ACTN4: variants seen among roughly 807,000 people sequenced by gnomAD.
The protein encoded by ACTN4 is alpha-actinin-4.
A neutral mutation model predicts 114.2 loss-of-function variants in ACTN4; 18 were observed. That is an observed-to-expected ratio of 0.16 (90% CI 0.11 to 0.23). The LOEUF is 0.23. Ranked by LOEUF, ACTN4 falls within the 10% of genes least tolerant of loss-of-function variation. The pLI is 1.00. For synonymous variants in ACTN4, 515 were observed against 506.3 expected (o/e 1.02, Z -0.23); for missense variants, 722 against 1,262.9 (o/e 0.57, Z 6.49).
At chr19:38,688,315 G>A (rs929133601) in intron 1 of ACTN4, among the ~76,000 whole-genome samples, 5 of 149,948 alleles carry the variant, frequency 3.3e-5, no homozygotes, top group African/African-American at 1.2e-4. Context: ...TTGGGAGGCC[G>A]AGGCGAGTGG....
In ACTN4 at chr19:38,729,170, A is replaced by G. The variant is rs1297678354; in HGVS notation, c.2577+16A>G. The G allele has an allele frequency of 1.7e-5, 28 of 1,612,580 alleles. No homozygotes were observed. Among genetic ancestry groups the G allele is most frequent in the Non-Finnish European group, 2.1e-5 (25 of 1,179,936 alleles). Reference sequence around the variant, plus strand: ...AGGGGACAAGGTGAGCGAGACCCCTACGAGGTGCATGGGGGCTGGCGAGAG... The same window carrying G: ...AGGGGACAAGGTGAGCGAGACCCCTGCGAGGTGCATGGGGGCTGGCGAGAG... On this transcript the variant is annotated intron_variant, in intron 20 of 20. Coordinates refer to ENST00000252699, the MANE Select transcript of ACTN4 (RefSeq NM_004924.6).
Position 38,730,582 on chromosome 19 carries a change from C to G in ACTN4, c.*1150C>G. The G allele has an allele frequency of 7.1e-6, 4 of 562,296 alleles. No homozygotes were observed. The highest frequency in any genetic ancestry group is 1.3e-5 in the Non-Finnish European group (4 of 314,550). 34.8% of individuals were successfully genotyped at this position (562,296 alleles called of 1,614,324 possible). ...TTCTCCTGTGTCTGTCCTCCACCTT[C>G]TAGGAGAGCCAGGGCAGAGCTAGCA... is the stretch of plus-strand genomic sequence containing the variant. On this transcript the variant is annotated 3_prime_UTR_variant, in exon 21 of 21. Coordinates refer to ENST00000252699, the MANE Select transcript of ACTN4 (RefSeq NM_004924.6).
intron 12 of ACTN4, 59 bp downstream of exon 12, chr19:38,721,747 G>A (rs1969051405): frequency 6.2e-7 from 1 of 1,601,616 alleles, no homozygotes; most frequent in East Asian, 2.2e-5. Context: ...TGCCCAGACT[G>A]GTGGCGGCAG....
intron 1 of ACTN4, among the ~76,000 whole-genome samples, chr19:38,699,628 A>G (rs759771654): frequency 4.6e-5 from 7 of 151,868 alleles, no homozygotes; most frequent in African/African-American, 1.7e-4. Flanking sequence ...GTTGGCATAC[A>G]CCCGTAGTCC....
intron 1 of ACTN4, among the ~76,000 whole-genome samples, chr19:38,663,528 A>G (rs1463599032): frequency 1.3e-5 from 2 of 152,186 alleles, no homozygotes; most frequent in East Asian, 3.9e-4. Flanking sequence ...GAATCAGGGC[A>G]GGTGGGGTCA....
intron 1 of ACTN4, among the ~76,000 whole-genome samples, chr19:38,693,192 A>C (rs1967985960): frequency 1.3e-5 from 2 of 152,022 alleles, no homozygotes; most frequent in South Asian, 4.2e-4. Context: ...ACATGTGAGC[A>C]TCAGCCTGGT....
chr19:38,662,548 G>A lies in ACTN4; in HGVS notation c.162+14641G>A, dbSNP rs150175240. On this transcript the variant is annotated intron_variant, in intron 1 of 20. Coordinates refer to ENST00000252699, the MANE Select transcript of ACTN4 (RefSeq NM_004924.6). Reference sequence around the variant, plus strand: ...AACTTGTTAAATCTTTTAAGTAGCTGTATAGGAGGGGAGATAAGTGTGTGT... The same window carrying A: ...AACTTGTTAAATCTTTTAAGTAGCTATATAGGAGGGGAGATAAGTGTGTGT... Among the ~76,000 whole-genome samples, 15 of 152,354 alleles carry A rather than the reference G, an allele frequency of 9.8e-5. 1 individual carries two copies. The East Asian group carries it at 2.9e-3, about 29-fold the overall frequency.
chr19:38,717,150 A>T lies in ACTN4; in HGVS notation c.977A>T (p.Gln326Leu). The stretch of plus-strand genomic sequence containing the variant: ...GACCGTGTGCCCCAAAAGACTATCC[A>T]GGAGATGCAGCAGAAGCTGGAGGAC... ...LEDRVPQKTIQEMQQKLEDFR... is the reference protein window; with the variant it reads ...LEDRVPQKTILEMQQKLEDFR... The change falls in exon 10 of 21, where the codon CAG becomes CTG. Residue 326 changes from glutamine to leucine, a missense_variant. Gln to Leu is a moderately radical substitution (Grantham distance 113, BLOSUM62 -2). This residue lies in a region of ACTN4 where 523 missense variants were observed against 875.9 expected (regional missense o/e 0.60). Coordinates refer to ENST00000252699, the MANE Select transcript of ACTN4 (RefSeq NM_004924.6). The surrounding 1 kb of genome is among the most constrained non-coding windows in gnomAD (Gnocchi z 4.0). 1 of 1,614,240 alleles carries T rather than the reference A, an allele frequency of 6.2e-7. No individual in the cohort carries two copies. Among genetic ancestry groups the T allele is most frequent in the East Asian group, 2.2e-5 (1 of 44,892 alleles).
At chr19:38,707,529 T>C (rs1234553244) in intron 5 of ACTN4, among the ~76,000 whole-genome samples, 1 of 152,020 alleles carries the variant, frequency 6.6e-6, no homozygotes, top group Non-Finnish European at 1.5e-5. Flanking sequence ...ATGTGACCCA[T>C]ATAGCTTGTA....
In ACTN4 at chr19:38,730,884, G is replaced by A. The variant is rs73933053; in HGVS notation, c.*1452G>A. On this transcript the variant is annotated 3_prime_UTR_variant, in exon 21 of 21. Transcript: ENST00000252699. Reference sequence around the variant, plus strand: ...AAGGTGGCCACCTCCATCCACTAAGGAAGAGAAGGAAGACAGTGGCTTGAG... The same window carrying A: ...AAGGTGGCCACCTCCATCCACTAAGAAAGAGAAGGAAGACAGTGGCTTGAG... 6,373 of 1,551,596 alleles carry A rather than the reference G, an allele frequency of 4.1e-3. 225 individuals are homozygous for A. In the African/African-American group the frequency reaches 0.077, roughly 19 times the overall value.
intron 12 of ACTN4, among the ~76,000 whole-genome samples, chr19:38,723,133 C>T (rs1399353967): frequency 1.3e-5 from 2 of 152,218 alleles, no homozygotes; most frequent in South Asian, 2.1e-4. Flanking sequence ...CAGGGTCACA[C>T]AGCAAGGGAG....
intron 9 of ACTN4, among the ~76,000 whole-genome samples, chr19:38,716,838 C>T (rs1198929276): frequency 6.6e-6 from 1 of 151,924 alleles, no homozygotes; most frequent in Non-Finnish European, 1.5e-5. Context: ...AAGAAAAGCA[C>T]AGGCAGGAAC....
At position 38,730,017 on chromosome 19, in the gene ACTN4, CT is replaced by C. The variant is rs1969434543; in HGVS notation, c.*586del. The C allele has an allele frequency of 1.2e-5, 3 of 257,064 alleles. No homozygotes were observed. Among genetic ancestry groups the C allele is most frequent in the Middle Eastern group, 1.5e-3 (1 of 676 alleles). The allele number at this position is 257,064 out of a possible 1,614,324, so 15.9% of individuals were successfully genotyped here. ...AGCTGAGTTGGCAGACCGGGCCCCC[CT>C]GAACCGCACCCCATCCCACCAGCCC... On this transcript the variant is annotated 3_prime_UTR_variant, in exon 21 of 21. Transcript: ENST00000252699.
chr19:38,658,044 G>A (rs915458776), intron 1 of ACTN4, among the ~76,000 whole-genome samples: 3 of 152,200 alleles, frequency 2.0e-5, no homozygotes, highest in Admixed American at 6.5e-5. Flanking sequence ...ATGGTGGAGT[G>A]TTAGGCCCCG....
chr19:38,728,267 G>A (rs1702714567), intron 19 of ACTN4: 1 of 1,531,688 alleles, frequency 6.5e-7, no homozygotes. Context: ...GGCCCCTCTT[G>A]CCTACTCTGG....
At chr19:38,673,809 T>C (rs1479135465) in intron 1 of ACTN4, among the ~76,000 whole-genome samples, 1 of 117,626 alleles carries the variant, frequency 8.5e-6, no homozygotes, top group African/African-American at 3.1e-5. Flanking sequence ...TTTTTTGTGA[T>C]GGAGTCTCTA....
At position 38,717,459 on chromosome 19, in the gene ACTN4, G is replaced by A. The variant is rs779788995; in HGVS notation, c.1143+143G>A. On this transcript the variant is annotated intron_variant, in intron 10 of 20. Transcript: ENST00000252699. This position sits in a 1 kb window ranked among gnomAD's most constrained non-coding sequence, Gnocchi z 4.0. Reference sequence around the variant, plus strand: ...GCATGGCCTTTCGGATGCAGTGGTCGGGGAGGGGTGCACTTCACTCGGCAT... The same window carrying A: ...GCATGGCCTTTCGGATGCAGTGGTCAGGGAGGGGTGCACTTCACTCGGCAT... The A allele has an allele frequency of 6.2e-5, 71 of 1,149,708 alleles. No individual in the cohort carries two copies. In the South Asian group the frequency reaches 6.9e-4, roughly 11 times the overall value. 71.2% of individuals were successfully genotyped at this position (1,149,708 alleles called of 1,614,324 possible). A position where few individuals can be genotyped will look rare whatever the true frequency, so the allele number is the denominator to read the frequency against.
intron 17 of ACTN4, 94 bp downstream of exon 17, chr19:38,725,997 G>C: frequency 6.7e-7 from 1 of 1,502,210 alleles, no homozygotes; most frequent in Non-Finnish European, 9.2e-7. Context: ...GCTGTCTGCT[G>C]TCTGTTGTTT....
chr19:38,705,424 T>C (rs1568724323), intron 4 of ACTN4, among the ~76,000 whole-genome samples: 1 of 152,134 alleles, frequency 6.6e-6, no homozygotes. Context: ...CGTTATGAGC[T>C]CAGGCCGTCC....
Sources: allele counts gnomAD v4.1 joint callset (sites outside exome capture counted in the v4.1 genomes callset), GRCh38; gene constraint gnomAD v4.1.1; regional missense constraint gnomAD v4.1.1; non-coding constraint Gnocchi (gnomAD v3.1); transcripts MANE v1.5; gene names NCBI Gene and HGNC (gene_info 2026-07-23, HGNC 2026-07-21).